FNBP1: variants seen among roughly 807,000 people sequenced by gnomAD.
FNBP1 encodes the protein formin binding protein 1, also known as formin-binding protein 1.
A neutral mutation model predicts 90.6 loss-of-function variants in FNBP1; 26 were observed. The observed-to-expected ratio is 0.29, with a 90% CI of 0.21 to 0.40. The LOEUF (loss-of-function observed/expected upper bound fraction) is 0.40, where lower values mean the gene tolerates loss of function less well. Among genes scored for constraint, FNBP1 ranks in the 10% least tolerant of loss-of-function variants. FNBP1 has a pLI of 1.00. For synonymous variants in FNBP1, 260 were observed against 265.2 expected (o/e 0.98, Z 0.19); for missense variants, 635 against 768.0 (o/e 0.83, Z 2.05).
chr9:129,894,654 C>G (rs1467057933), intron 16 of FNBP1, among the ~76,000 whole-genome samples: 1 of 152,200 alleles, frequency 6.6e-6, no homozygotes, highest in African/African-American at 2.4e-5. Context: ...CTTGGAAAAC[C>G]AACAGAAACC....
intron 4 of FNBP1, among the ~76,000 whole-genome samples, chr9:129,972,300 A>G (rs1237254382): frequency 6.6e-6 from 1 of 150,560 alleles, no homozygotes; most frequent in African/African-American, 2.4e-5. Flanking sequence ...CGCCCAGCTA[A>G]TTTTTATATT....
intron 15 of FNBP1, among the ~76,000 whole-genome samples, chr9:129,899,278 A>G (rs1373443754): frequency 1.3e-5 from 2 of 152,048 alleles, no homozygotes; most frequent in Non-Finnish European, 1.5e-5. Context: ...GGATTTCACC[A>G]TGTTGGCGAG....
intron 1 of FNBP1, among the ~76,000 whole-genome samples, chr9:130,033,730 C>T (rs991945070): frequency 2.6e-5 from 4 of 151,766 alleles, no homozygotes; most frequent in Admixed American, 1.3e-4. Context: ...CGGTGGCTCA[C>T]GCCTGTAATC....
chr9:129,903,087 C>T, intron 12 of FNBP1, 86 bp from the exon 13 acceptor site: 1 of 1,323,284 alleles, frequency 7.6e-7, no homozygotes, highest in East Asian at 2.5e-5. Context: ...GGCTGGAGTG[C>T]AATGGTGCGA....
rs2059947632 is a variant in FNBP1, at chr9:130,042,726, A to C, written c.24+226T>G. The stretch of plus-strand genomic sequence containing the variant: ...CGCGCCGTTCCTCAGGCCGCCGGGG[A>C]CCCGCACCAACTCCCCTCGCCTCCG... On this transcript the variant is annotated intron_variant, in intron 1 of 16. Transcript: ENST00000446176. This position sits in a 1 kb window ranked among gnomAD's most constrained non-coding sequence, Gnocchi z 5.5. Among the ~76,000 whole-genome samples, 1 of 151,178 alleles carries C rather than the reference A, an allele frequency of 6.6e-6. No homozygotes were observed. The highest frequency in any genetic ancestry group is 2.1e-4 in the South Asian group (1 of 4,796).
chr9:129,945,724 T>C (rs2132460978), intron 6 of FNBP1, among the ~76,000 whole-genome samples: 2 of 152,322 alleles, frequency 1.3e-5, no homozygotes, highest in South Asian at 4.1e-4. Context: ...AAACCTAAAC[T>C]ACTAAATTTC....
chr9:130,033,182 A>C (rs759702278), intron 1 of FNBP1, among the ~76,000 whole-genome samples: 25 of 152,160 alleles, frequency 1.6e-4, no homozygotes, highest in Non-Finnish European at 3.4e-4. Flanking sequence ...TTTACGAACA[A>C]TCTCTCACCT....
intron 7 of FNBP1, among the ~76,000 whole-genome samples, chr9:129,927,947 T>C (rs937406505): frequency 2.6e-5 from 4 of 152,132 alleles, no homozygotes; most frequent in Non-Finnish European, 5.9e-5. Flanking sequence ...TAACACTATT[T>C]GTAATCTACC....
chr9:129,921,723 A>C (rs2131835036), intron 10 of FNBP1, among the ~76,000 whole-genome samples: 1 of 152,104 alleles, frequency 6.6e-6, no homozygotes, highest in East Asian at 1.9e-4. Context: ...TCTTTTTTAC[A>C]CAGAGTTGTT....
rs563350083 is a variant in FNBP1, at chr9:129,904,965, A to G, written c.1296-1964T>C. 3.3e-5 allele frequency among the ~76,000 whole-genome samples: 5 copies of G among 152,318 alleles called. No individual in the cohort carries two copies. In the East Asian group the frequency reaches 7.7e-4, roughly 23 times the overall value. ...TCATGTTTATAAATAATTTTTAAAC[A>G]TTTTTAAATAATGTTAAATGTTCTT... On this transcript the variant is annotated intron_variant, in intron 12 of 16. Transcript: ENST00000446176.
chr9:129,991,085 C>A (rs945555100), intron 2 of FNBP1, among the ~76,000 whole-genome samples: 1 of 151,834 alleles, frequency 6.6e-6, no homozygotes, highest in Non-Finnish European at 1.5e-5. Flanking sequence ...AGGCGCCCAC[C>A]ACCACGCCTG....
chr9:129,957,932 C>T lies in FNBP1; in HGVS notation c.409-468G>A, dbSNP rs546833081. ...TTTTAAAATCTGCATTTATTTCCAT[C>T]AAAACTGTCTAATCTTTATTATTTC... On this transcript the variant is annotated intron_variant, in intron 5 of 16. Coordinates refer to ENST00000446176, the MANE Select transcript of FNBP1 (RefSeq NM_015033.3). This position sits in a 1 kb window ranked among gnomAD's most constrained non-coding sequence, Gnocchi z 4.3. Among the ~76,000 whole-genome samples, 140 of 152,256 alleles carry T rather than the reference C, an allele frequency of 9.2e-4. No individual in the cohort carries two copies. The highest frequency in any genetic ancestry group is 3.2e-3 in the African/African-American group (133 of 41,550).
chr9:130,040,626 G>GA lies in FNBP1; in HGVS notation c.24+2325dup, dbSNP rs3055737. Among the ~76,000 whole-genome samples, 973 of 139,152 alleles carry GA rather than the reference G, an allele frequency of 7.0e-3. 15 individuals are homozygous for GA. The highest frequency in any genetic ancestry group is 0.022 in the Middle Eastern group (6 of 274). 91.3% of individuals were successfully genotyped at this position (139,152 alleles called of 152,430 possible). A position where few individuals can be genotyped will look rare whatever the true frequency, so the allele number is the denominator to read the frequency against. ...GGCAACAGAGCAAGACTCCGTCTCA[G>GA]AAAAAAAAAAAAAAAGAATGTCTTT... On this transcript the variant is annotated intron_variant, in intron 1 of 16. Coordinates refer to ENST00000446176, the MANE Select transcript of FNBP1 (RefSeq NM_015033.3).
intron 10 of FNBP1, among the ~76,000 whole-genome samples, chr9:129,922,304 T>A (rs936102728): frequency 6.6e-6 from 1 of 152,238 alleles, no homozygotes; most frequent in Non-Finnish European, 1.5e-5. Flanking sequence ...AATTCCATTA[T>A]CTCTATGATG....
rs1379469334 is a variant in FNBP1, at chr9:129,984,548, A to AC, written c.141-5175dup. Among the ~76,000 whole-genome samples, 5 of 151,824 alleles carry AC rather than the reference A, an allele frequency of 3.3e-5. No individual in the cohort carries two copies. In the South Asian group the frequency reaches 6.2e-4, roughly 19 times the overall value. The stretch of plus-strand genomic sequence containing the variant: ...AGGCCTTGGGCAGGAGCCGGGGCTC[A>AC]CCCCCCGGAGGTCCACTTTCCAGAC... On this transcript the variant is annotated intron_variant, in intron 2 of 16. Transcript: ENST00000446176.
Position 129,887,388 on chromosome 9 carries a change from A to C in FNBP1, c.*3151T>G, listed in dbSNP as rs1224200592. 2 of 198,994 alleles carry C rather than the reference A, an allele frequency of 1.0e-5. No individual in the cohort carries two copies. Among genetic ancestry groups the C allele is most frequent in the African/African-American group, 4.6e-5 (2 of 43,362 alleles). 12.3% of individuals were successfully genotyped at this position (198,994 alleles called of 1,614,324 possible). ...AGTGCAACACACATACGAACATTTT[A>C]AAGGTGCTCAACATCAGGTTAAAAT... On this transcript the variant is annotated 3_prime_UTR_variant, in exon 17 of 17. Transcript: ENST00000446176.
At chr9:129,951,048 T>C (rs527406027) in intron 6 of FNBP1, among the ~76,000 whole-genome samples, 49 of 149,332 alleles carry the variant, frequency 3.3e-4, no homozygotes, top group African/African-American at 1.2e-3. Flanking sequence ...CTCGGCTCAC[T>C]GCAACCTCCA....
chr9:129,920,568 G>A (rs7030586), intron 10 of FNBP1, among the ~76,000 whole-genome samples: 21,921 of 152,144 alleles, frequency 0.14, 1,679 homozygotes, highest in Non-Finnish European at 0.17. Flanking sequence ...CCAAAGTGCT[G>A]GGGTTACAGG....
At chr9:129,916,365 C>A (rs543097444) in intron 10 of FNBP1, 35 of 170,090 alleles carry the variant, frequency 2.1e-4, no homozygotes, top group Non-Finnish European at 4.2e-4. Context: ...CACCTGTAAT[C>A]CCAGCACTTT....
Sources: allele counts gnomAD v4.1 joint callset (sites outside exome capture counted in the v4.1 genomes callset), GRCh38; gene constraint gnomAD v4.1.1; non-coding constraint Gnocchi (gnomAD v3.1); transcripts MANE v1.5; gene names NCBI Gene and HGNC (gene_info 2026-07-23, HGNC 2026-07-21).